The following PDHX variants were observed in gnomAD, a reference collection of about 807,000 sequenced individuals.
The protein encoded by PDHX is pyruvate dehydrogenase complex component X.
PDHX carries 33 observed loss-of-function variants against 55.3 expected under a neutral mutation model. The observed-to-expected ratio is 0.60, with a 90% CI of 0.45 to 0.80. The LOEUF is 0.80. Ranked by LOEUF, PDHX falls within the 30% of genes least tolerant of loss-of-function variation. The pLI is 0.00. For missense variants in PDHX, 622 were observed against 619.9 expected (o/e 1.00, Z -0.04); for synonymous variants, 226 against 219.4 (o/e 1.03, Z -0.27).
At chr11:34,973,170 A>G (rs574221381) in intron 7 of PDHX, among the ~76,000 whole-genome samples, 2 of 152,236 alleles carry the variant, frequency 1.3e-5, no homozygotes, top group African/African-American at 4.8e-5. Flanking sequence ...CAGACCAGTT[A>G]TTATGTCATG....
intron 7 of PDHX, among the ~76,000 whole-genome samples, chr11:34,972,922 G>T (rs1295163224): frequency 6.6e-6 from 1 of 151,992 alleles, no homozygotes; most frequent in East Asian, 1.9e-4. Flanking sequence ...TTTGTAGTAT[G>T]GTCTGTCTTG....
intron 1 of PDHX, among the ~76,000 whole-genome samples, chr11:34,924,421 A>G (rs1298691313): frequency 6.6e-6 from 1 of 151,978 alleles, no homozygotes; most frequent in African/African-American, 2.4e-5. Context: ...GGCTTTCACC[A>G]TGTTGTCCAG....
intron 2 of PDHX, among the ~76,000 whole-genome samples, chr11:34,936,739 T>A (rs2985402): frequency 0.19 from 29,396 of 150,772 alleles, 3,730 homozygotes; most frequent in East Asian, 0.44. Context: ...CCAAAATAGA[T>A]CCACATTCAT....
chr11:34,976,208 A>C (rs78579943), intron 7 of PDHX, among the ~76,000 whole-genome samples: 3,418 of 152,192 alleles, frequency 0.022, 76 homozygotes, highest in South Asian at 0.039. Flanking sequence ...TACACCCCAC[A>C]TTATCTATCT....
chr11:34,941,912 T>C (rs11032942), intron 2 of PDHX: 28,874 of 153,818 alleles, frequency 0.19, 3,906 homozygotes, highest in African/African-American at 0.39. Flanking sequence ...ACTCTCGCTC[T>C]GGGCCCGCTC....
At chr11:34,975,312 C>T (rs754074757) in intron 7 of PDHX, among the ~76,000 whole-genome samples, 1 of 151,830 alleles carries the variant, frequency 6.6e-6, no homozygotes, top group Non-Finnish European at 1.5e-5. Flanking sequence ...GAAAAATTTC[C>T]AGTTATTTTT....
chr11:34,951,609 TGA>T (rs1217418957), intron 3 of PDHX, among the ~76,000 whole-genome samples: 8 of 152,236 alleles, frequency 5.3e-5, no homozygotes, highest in African/African-American at 1.9e-4. Context: ...CTTTGTCAGA[TGA>T]GTACGTTGCG....
intron 9 of PDHX, among the ~76,000 whole-genome samples, chr11:34,988,103 T>C (rs1178329220): frequency 6.6e-6 from 1 of 152,196 alleles, no homozygotes; most frequent in African/African-American, 2.4e-5. Context: ...ATGATTTTAA[T>C]TCCAGGGTAA....
At chr11:34,924,285 A>G (rs1168878234) in intron 1 of PDHX, among the ~76,000 whole-genome samples, 1 of 152,110 alleles carries the variant, frequency 6.6e-6, no homozygotes, top group Non-Finnish European at 1.5e-5. Context: ...TCTGTCGCCC[A>G]GACTGGAGTG....
At chr11:34,947,129 G>A (rs564911547) in intron 2 of PDHX, among the ~76,000 whole-genome samples, 1 of 152,204 alleles carries the variant, frequency 6.6e-6, no homozygotes, top group African/African-American at 2.4e-5. Context: ...TTTTCTTCAG[G>A]GAATATAGTC....
At chr11:34,959,028 G>A (rs944128042) in intron 4 of PDHX, among the ~76,000 whole-genome samples, 3 of 152,052 alleles carry the variant, frequency 2.0e-5, no homozygotes, top group African/African-American at 4.8e-5. Flanking sequence ...AAGTTCCACA[G>A]TTGTTTCTGT....
intron 1 of PDHX, among the ~76,000 whole-genome samples, chr11:34,930,887 C>T (rs1413843174): frequency 2.0e-5 from 3 of 152,278 alleles, no homozygotes; most frequent in Non-Finnish European, 4.4e-5. Context: ...ACCTTTGAAT[C>T]TTGAATACTA....
chr11:34,944,426 A>G (rs1453010520), intron 2 of PDHX, among the ~76,000 whole-genome samples: 1 of 152,278 alleles, frequency 6.6e-6, no homozygotes, highest in East Asian at 1.9e-4. Context: ...GGCCACCCCA[A>G]TACATTTTTA....
Position 34,966,715 on chromosome 11 carries a change from C to T in PDHX, c.717C>T (p.Ala239=). The change falls in exon 6 of 11, where the codon GCC becomes GCT. Residue 239 remains alanine (A), a synonymous_variant. Coordinates refer to ENST00000227868, the MANE Select transcript of PDHX (RefSeq NM_003477.3). ...TESRPTPAPT[A]TPTAPSPLQA... is the part of the protein sequence containing the mutation. ...CCAGACCAACTCCAGCCCCCACAGC[C>T]ACTCCCACAGCACCTTCGCCCCTAC... is the stretch of plus-strand genomic sequence containing the variant. 6.2e-7 allele frequency: 1 copy of T among 1,614,134 alleles called. No individual in the cohort carries two copies.
At chr11:34,916,437 T>A, upstream of PDHX, 1 of 1,478,712 alleles carries the variant, frequency 6.8e-7, no homozygotes, top group Non-Finnish European at 9.0e-7. Flanking sequence ...CGGGGTCTGG[T>A]AAGGCCCCGC....
At chr11:34,935,908 A>G (rs2217479) in intron 2 of PDHX, among the ~76,000 whole-genome samples, 33,538 of 152,154 alleles carry the variant, frequency 0.22, 4,895 homozygotes, top group Non-Finnish European at 0.34. Flanking sequence ...TGTCACTCAT[A>G]CAAATGTTGG....
rs570134983 is a variant in PDHX, at chr11:34,992,527, T to A, written c.1247+148T>A. On this transcript the variant is annotated intron_variant, in intron 10 of 10. Coordinates refer to ENST00000227868, the MANE Select transcript of PDHX (RefSeq NM_003477.3). The stretch of plus-strand genomic sequence containing the variant: ...TAGACAATAGAATATCTGAAAAAAT[T>A]CTTCAGACTAGTCAGGCTTTCATAT... 5 of 588,382 alleles carry A rather than the reference T, an allele frequency of 8.5e-6. No individual in the cohort carries two copies. In the South Asian group the frequency reaches 1.0e-4, roughly 12 times the overall value. The allele number at this position is 588,382 out of a possible 1,614,324, so 36.4% of individuals were successfully genotyped here.
chr11:34,934,709 GC>G (rs1275379898), intron 2 of PDHX, among the ~76,000 whole-genome samples: 4 of 150,424 alleles, frequency 2.7e-5, no homozygotes, highest in African/African-American at 9.8e-5. Flanking sequence ...CTCTTGAGTA[GC>G]TGGGACCACA....
intron 1 of PDHX, among the ~76,000 whole-genome samples, chr11:34,919,399 G>A (rs1319690173): frequency 1.3e-5 from 2 of 152,096 alleles, no homozygotes; most frequent in Non-Finnish European, 2.9e-5. Context: ...GAACTGTTTC[G>A]TCTTTCACAC....
Sources: gnomAD v4.1 joint callset for allele counts (sites outside exome capture counted in the v4.1 genomes callset) on GRCh38, gnomAD v4.1.1 for gene constraint, MANE v1.5 for transcripts, NCBI Gene and HGNC (gene_info 2026-07-23, HGNC 2026-07-21) for gene names.